Variants in SLC10A7 observed in about 807,000 individuals in gnomAD.
The protein encoded by SLC10A7 is solute carrier family 10 member 7.
In SLC10A7, 29 loss-of-function variants were observed where a neutral mutation model predicts 43.2. That is an observed-to-expected ratio of 0.67 (90% CI 0.50 to 0.92). The LOEUF (loss-of-function observed/expected upper bound fraction) is 0.92. SLC10A7 is among the 40% of genes least tolerant of loss of function. The pLI, the probability that SLC10A7 is intolerant of heterozygous loss-of-function variation, is 0.00. For synonymous variants in SLC10A7, 152 were observed against 144.8 expected (o/e 1.05, Z -0.35); for missense variants, 295 against 403.2 (o/e 0.73, Z 2.30).
At chr4:146,373,229 T>A (rs1318471944) in intron 5 of SLC10A7, among the ~76,000 whole-genome samples, 1 of 152,056 alleles carries the variant, frequency 6.6e-6, no homozygotes, top group African/African-American at 2.4e-5. Context: ...TCCCAGTACT[T>A]TGAGAGGCTG....
At chr4:146,441,964 C>T in intron 5 of SLC10A7, 1 of 981,918 alleles carries the variant, frequency 1.0e-6, no homozygotes, top group African/African-American at 1.7e-5. Context: ...GTTTATACAT[C>T]ACTGATTTTA....
intron 3 of SLC10A7, among the ~76,000 whole-genome samples, chr4:146,508,681 T>G (rs1737152595): frequency 1.3e-5 from 2 of 152,170 alleles, no homozygotes; most frequent in Non-Finnish European, 2.9e-5. Context: ...CTGGCACACA[T>G]TCATTCCTCT....
intron 3 of SLC10A7, among the ~76,000 whole-genome samples, chr4:146,505,369 C>T (rs1211139292): frequency 6.6e-6 from 1 of 152,064 alleles, no homozygotes; most frequent in African/African-American, 2.4e-5. Context: ...ATATGTAATA[C>T]ATGTAATATA....
chr4:146,440,062 A>C (rs1022093922), intron 5 of SLC10A7, among the ~76,000 whole-genome samples: 4 of 152,100 alleles, frequency 2.6e-5, no homozygotes, highest in Non-Finnish European at 4.4e-5. Flanking sequence ...TATTGCTCAT[A>C]TGTAGAATGT....
At chr4:146,466,215 C>T (rs1325834138) in intron 4 of SLC10A7, among the ~76,000 whole-genome samples, 1 of 152,128 alleles carries the variant, frequency 6.6e-6, no homozygotes, top group African/African-American at 2.4e-5. Flanking sequence ...GAAACACATA[C>T]ATTTTGTTAT....
chr4:146,322,017 G>A lies in SLC10A7; in HGVS notation c.471+3944C>T, dbSNP rs141760520. ...AGCCCCGTTGACTCAGAAGGGAAGC[G>A]TTAAACTTTTACATTGAGGGTCTTG... On this transcript the variant is annotated intron_variant, in intron 6 of 11. Coordinates refer to ENST00000335472, the MANE Select transcript of SLC10A7 (RefSeq NM_001029998.6). 8.5e-5 allele frequency among the ~76,000 whole-genome samples: 13 copies of A among 152,200 alleles called. No homozygotes were observed. In the East Asian group the frequency reaches 1.9e-3, roughly 23 times the overall value.
chr4:146,375,297 T>A (rs1737109463), intron 5 of SLC10A7, among the ~76,000 whole-genome samples: 1 of 152,130 alleles, frequency 6.6e-6, no homozygotes. Flanking sequence ...AAAGACTGAT[T>A]TTAGGAAAAA....
At chr4:146,384,861 C>A (rs1468779503) in intron 5 of SLC10A7, among the ~76,000 whole-genome samples, 3 of 151,906 alleles carry the variant, frequency 2.0e-5, no homozygotes, top group Non-Finnish European at 4.4e-5. Context: ...ATTTTTTTTA[C>A]ATTTATACAC....
chr4:146,288,966 G>C (rs925647421), intron 9 of SLC10A7, among the ~76,000 whole-genome samples: 1 of 152,132 alleles, frequency 6.6e-6, no homozygotes, highest in Non-Finnish European at 1.5e-5. Flanking sequence ...ACCCACAGAG[G>C]AAAACATGTC....
At chr4:146,453,476 A>AT in intron 4 of SLC10A7, among the ~76,000 whole-genome samples, 1 of 152,036 alleles carries the variant, frequency 6.6e-6, no homozygotes, top group Admixed American at 6.6e-5. Flanking sequence ...GGGGCCTATT[A>AT]ATCTCAAATT....
rs192418715 is a variant in SLC10A7, at chr4:146,331,666, A to G, written c.436-5670T>C. ...TCATGTTCTTAACTTTTCGAAAATT[A>G]TACTTTGACAACTCCCTTCTTCTGA... is the stretch of plus-strand genomic sequence containing the variant. On this transcript the variant is annotated intron_variant, in intron 5 of 11. Transcript: ENST00000335472. Among the ~76,000 whole-genome samples the G allele has an allele frequency of 2.9e-3, 442 of 152,288 alleles. 2 individuals are homozygous for G. The highest frequency in any genetic ancestry group is 5.3e-3 in the Non-Finnish European group (362 of 68,030).
intron 4 of SLC10A7, among the ~76,000 whole-genome samples, chr4:146,467,454 AACACACACACACACACACACACACAC>A (rs35773390): frequency 7.1e-6 from 1 of 140,728 alleles, no homozygotes; most frequent in Non-Finnish European, 1.5e-5. Context: ...AGCAGGTTTA[AACACACACACACACACACACACACAC>A]ACACACACAC....
At chr4:146,511,375 A>G (rs1279685506) in intron 2 of SLC10A7, among the ~76,000 whole-genome samples, 1 of 152,244 alleles carries the variant, frequency 6.6e-6, no homozygotes, top group Non-Finnish European at 1.5e-5. Context: ...CAAGCAAGTG[A>G]TCATTAAAAC....
At chr4:146,439,060 C>T (rs537289917) in intron 5 of SLC10A7, among the ~76,000 whole-genome samples, 15 of 152,072 alleles carry the variant, frequency 9.9e-5, no homozygotes, top group Admixed American at 8.5e-4. Flanking sequence ...ATAAACTGAA[C>T]AATTTAAATG....
chr4:146,320,066 T>C (rs1044050332), intron 6 of SLC10A7, among the ~76,000 whole-genome samples: 1 of 151,998 alleles, frequency 6.6e-6, no homozygotes, highest in Non-Finnish European at 1.5e-5. Flanking sequence ...GCACTGGAGA[T>C]TTGAGAGGCA....
intron 4 of SLC10A7, among the ~76,000 whole-genome samples, chr4:146,491,655 G>A (rs1735426220): frequency 6.7e-6 from 1 of 149,556 alleles, no homozygotes; most frequent in African/African-American, 2.5e-5. Context: ...AAGAAAGGAA[G>A]GAGGGAGAGA....
chr4:146,350,276 C>A (rs1376227072), intron 5 of SLC10A7, among the ~76,000 whole-genome samples: 1 of 151,676 alleles, frequency 6.6e-6, no homozygotes, highest in African/African-American at 2.4e-5. Flanking sequence ...GTGACAGACG[C>A]ACCTGGAAAA....
At chr4:146,268,122 T>C (rs1053972856) in intron 10 of SLC10A7, among the ~76,000 whole-genome samples, 1 of 152,200 alleles carries the variant, frequency 6.6e-6, no homozygotes, top group African/African-American at 2.4e-5. Flanking sequence ...ACTAGGAAAC[T>C]GCTTTCCTGT....
intron 8 of SLC10A7, 26 bp downstream of exon 8, chr4:146,293,904 C>A (rs1365054094): frequency 6.3e-7 from 1 of 1,584,934 alleles, no homozygotes; most frequent in East Asian, 2.2e-5. Flanking sequence ...TGAGGGATAG[C>A]CAGGCTATCC....
Sources: gnomAD v4.1 joint callset for allele counts (sites outside exome capture counted in the v4.1 genomes callset) on GRCh38, gnomAD v4.1.1 for gene constraint, MANE v1.5 for transcripts, NCBI Gene and HGNC (gene_info 2026-07-23, HGNC 2026-07-21) for gene names.